The following EYS variants were observed in gnomAD, a reference collection of about 807,000 sequenced individuals.
EYS encodes the protein EGF-like photoreceptor maintenance factor.
A neutral mutation model predicts 282.1 loss-of-function variants in EYS; 250 were observed. The observed-to-expected ratio is 0.89, with a 90% CI of 0.80 to 0.98. The LOEUF (loss-of-function observed/expected upper bound fraction) is 0.98. Ranked by LOEUF, EYS falls within the 50% of genes least tolerant of loss-of-function variation. The pLI is 0.00. For synonymous variants in EYS, 1,355 were observed against 1,282.9 expected (o/e 1.06, Z -1.20); for missense variants, 4,016 against 3,709.0 (o/e 1.08, Z -2.15).
chr6:64,408,282 A>G (rs567662365), intron 28 of EYS, among the ~76,000 whole-genome samples: 8 of 152,174 alleles, frequency 5.3e-5, no homozygotes, highest in Non-Finnish European at 1.2e-4. Flanking sequence ...AGACCTTTAG[A>G]TATAAAATAT....
intron 22 of EYS, among the ~76,000 whole-genome samples, chr6:64,665,029 T>G (rs992979297): frequency 2.0e-5 from 3 of 152,220 alleles, no homozygotes; most frequent in Non-Finnish European, 4.4e-5. Context: ...AAGAGTCACA[T>G]GAAAAGTCTT....
At chr6:64,121,013 G>A (rs1773570399) in intron 31 of EYS, among the ~76,000 whole-genome samples, 1 of 152,102 alleles carries the variant, frequency 6.6e-6, no homozygotes, top group East Asian at 1.9e-4. Context: ...TTTGATGACT[G>A]TCAGCTAGGG....
intron 14 of EYS, among the ~76,000 whole-genome samples, chr6:64,950,831 A>ATATATATATG (rs1769476068): frequency 8.8e-6 from 1 of 114,164 alleles, no homozygotes; most frequent in Non-Finnish European, 1.7e-5. Context: ...ATATATATAT[A>ATATATATATG]TATTGTTGAA....
intron 22 of EYS, among the ~76,000 whole-genome samples, chr6:64,725,469 G>C (rs749989116): frequency 1.3e-5 from 2 of 151,916 alleles, no homozygotes; most frequent in Non-Finnish European, 1.5e-5. Context: ...ATGATTTAAG[G>C]CATTATGAGC....
intron 26 of EYS, among the ~76,000 whole-genome samples, chr6:64,451,691 A>C (rs1775351835): frequency 6.6e-6 from 1 of 152,230 alleles, no homozygotes; most frequent in Admixed American, 6.5e-5. Flanking sequence ...CCCGGGATGC[A>C]AGGCTGGTTC....
At chr6:65,065,097 G>C (rs936902561) in intron 12 of EYS, among the ~76,000 whole-genome samples, 2 of 152,114 alleles carry the variant, frequency 1.3e-5, no homozygotes, top group Middle Eastern at 3.2e-3. Flanking sequence ...AAGAATCTAG[G>C]CGTGCTGAGC....
At chr6:65,109,152 TTTTA>T (rs1202010270) in intron 12 of EYS, among the ~76,000 whole-genome samples, 1 of 152,028 alleles carries the variant, frequency 6.6e-6, no homozygotes, top group Non-Finnish European at 1.5e-5. Context: ...TACAAACTAT[TTTTA>T]TTTTTTTCTT....
chr6:64,974,589 G>C (rs1476791292), intron 14 of EYS, among the ~76,000 whole-genome samples: 4 of 151,702 alleles, frequency 2.6e-5, no homozygotes, highest in African/African-American at 9.7e-5. Flanking sequence ...AAAAATTTGG[G>C]GGAGATTAAA....
intron 12 of EYS, among the ~76,000 whole-genome samples, chr6:65,062,902 T>G (rs375403318): frequency 6.6e-6 from 1 of 152,070 alleles, no homozygotes; most frequent in African/African-American, 2.4e-5. Context: ...TATGAGTTTG[T>G]GTATTTCTTA....
Position 64,207,587 on chromosome 6 carries a change from G to A in EYS, c.6424+23005C>T, listed in dbSNP as rs114023479. ...GTTTGGGGGAGTGAAAAAGATGTGA[G>A]AAGGTAAGGGAAGAAAATGGGCTCT... On this transcript the variant is annotated intron_variant, in intron 31 of 42. Transcript: ENST00000503581. 6.0e-3 allele frequency among the ~76,000 whole-genome samples: 915 copies of A among 152,236 alleles called. 8 individuals carry two copies. Among genetic ancestry groups the A allele is most frequent in the African/African-American group, 0.021 (875 of 41,546 alleles).
At chr6:65,115,852 G>A (rs1351530421) in intron 12 of EYS, among the ~76,000 whole-genome samples, 7 of 152,068 alleles carry the variant, frequency 4.6e-5, no homozygotes, top group Non-Finnish European at 1.0e-4. Flanking sequence ...TAACTAAGTG[G>A]TGGATCTAGG....
chr6:64,443,028 C>A (rs766937255), intron 26 of EYS, among the ~76,000 whole-genome samples: 18 of 152,132 alleles, frequency 1.2e-4, no homozygotes, highest in Non-Finnish European at 1.8e-4. Flanking sequence ...CACTGTGCAC[C>A]TGGAAAAGCC....
At chr6:64,592,011 A>G in intron 25 of EYS, 22 bp from the exon 26 acceptor site, 1 of 1,436,758 alleles carries the variant, frequency 7.0e-7, no homozygotes, top group Non-Finnish European at 9.1e-7. Context: ...AAAAAAGCCA[A>G]AAAGGTTAGA....
intron 12 of EYS, among the ~76,000 whole-genome samples, chr6:65,135,278 T>A (rs1002850687): frequency 6.6e-6 from 1 of 152,122 alleles, no homozygotes; most frequent in African/African-American, 2.4e-5. Context: ...ACATTCCCTA[T>A]GTTATCCTCA....
intron 33 of EYS, among the ~76,000 whole-genome samples, chr6:64,014,613 A>C (rs1167164300): frequency 2.0e-5 from 3 of 152,080 alleles, no homozygotes; most frequent in Non-Finnish European, 4.4e-5. Flanking sequence ...TTTCTGAAGC[A>C]CTCTCTGAGC....
intron 13 of EYS, among the ~76,000 whole-genome samples, chr6:65,041,410 A>C (rs1205874023): frequency 6.6e-6 from 1 of 151,574 alleles, no homozygotes; most frequent in Non-Finnish European, 1.5e-5. Context: ...AGGGGTCTAC[A>C]TTCCTCTGCC....
At chr6:65,319,897 T>A (rs1292008710) in intron 11 of EYS, among the ~76,000 whole-genome samples, 1 of 151,988 alleles carries the variant, frequency 6.6e-6, no homozygotes, top group Non-Finnish European at 1.5e-5. Flanking sequence ...TGCTGGGAAT[T>A]TTTGCTTCCT....
At chr6:63,922,730 G>A (rs1217918805) in intron 35 of EYS, among the ~76,000 whole-genome samples, 1 of 152,138 alleles carries the variant, frequency 6.6e-6, no homozygotes, top group Admixed American at 6.5e-5. Context: ...TAGAAAAATT[G>A]GTTCTTGTGG....
At chr6:65,567,986 C>A (rs930558513) in intron 2 of EYS, among the ~76,000 whole-genome samples, 1 of 152,096 alleles carries the variant, frequency 6.6e-6, no homozygotes, top group African/African-American at 2.4e-5. Flanking sequence ...GTATCTCCCA[C>A]AGATGTTGAA....
Sources: allele counts gnomAD v4.1 joint callset (sites outside exome capture counted in the v4.1 genomes callset), GRCh38; gene constraint gnomAD v4.1.1; transcripts MANE v1.5; gene names NCBI Gene and HGNC (gene_info 2026-07-23, HGNC 2026-07-21).